The following GALNT16 variants were observed in gnomAD, a reference collection of about 807,000 sequenced individuals.
GALNT16 encodes the protein UDP-GalNAc:polypeptide N-acetylgalactosaminyltransferase-like protein 1.
GALNT16 carries 40 observed loss-of-function variants against 76.1 expected under a neutral mutation model. The ratio of observed to expected loss-of-function variants is 0.53; its 90% confidence interval spans 0.41 to 0.68. The LOEUF is 0.68. Among genes scored for constraint, GALNT16 ranks in the 30% least tolerant of loss-of-function variants. The probability of loss-of-function intolerance (pLI) is 0.00; values close to 1 mark genes in which losing one functional copy is unlikely to be tolerated. For synonymous variants in GALNT16, 276 were observed against 285.2 expected, an observed-to-expected ratio of 0.97 and a Z score of 0.32; for missense variants, 621 against 731.9, an observed-to-expected ratio of 0.85 and a Z score of 1.75.
At chr14:69,267,351 A>G (rs1432317955) in intron 1 of GALNT16, among the ~76,000 whole-genome samples, 1 of 152,222 alleles carries the variant, frequency 6.6e-6, no homozygotes, top group Non-Finnish European at 1.5e-5. Flanking sequence ...CTTGTCGATC[A>G]TATTATATAG....
intron 2 of GALNT16, among the ~76,000 whole-genome samples, chr14:69,322,981 T>TGTGTGTGTGCGC (rs1196943800): frequency 1.4e-4 from 4 of 28,324 alleles, no homozygotes; most frequent in South Asian, 1.5e-3. Flanking sequence ...TGTGTGTGTG[T>TGTGTGTGTGCGC]GCGCGCGCAC....
At chr14:69,328,632 A>G in intron 6 of GALNT16, 61 bp downstream of exon 6, 1 of 1,559,822 alleles carries the variant, frequency 6.4e-7, no homozygotes, top group Non-Finnish European at 8.7e-7. Flanking sequence ...CGTTCCTGGC[A>G]CCGAGGCCTA....
chr14:69,275,921 A>G (rs1412936532), intron 1 of GALNT16, among the ~76,000 whole-genome samples: 1 of 152,182 alleles, frequency 6.6e-6, no homozygotes, highest in Non-Finnish European at 1.5e-5. Context: ...CAAAAGAAAG[A>G]GGTTTATTTG....
intron 9 of GALNT16, among the ~76,000 whole-genome samples, chr14:69,338,268 G>A (rs1455501021): frequency 6.6e-6 from 1 of 152,376 alleles, no homozygotes; most frequent in East Asian, 1.9e-4. Context: ...GGTGCACAGA[G>A]CTGGCTGACG....
chr14:69,326,058 G>A, intron 5 of GALNT16, 31 bp downstream of exon 5: 1 of 1,546,918 alleles, frequency 6.5e-7, no homozygotes, highest in African/African-American at 1.4e-5. Flanking sequence ...TCCCACCAAG[G>A]GCCCATCTTG....
chr14:69,275,504 C>T (rs1245353467), intron 1 of GALNT16, among the ~76,000 whole-genome samples: 1 of 152,202 alleles, frequency 6.6e-6, no homozygotes, highest in Non-Finnish European at 1.5e-5. Flanking sequence ...TTCCATATAT[C>T]ATCCTTGGGT....
Position 69,327,822 on chromosome 14 carries a change from T to C in GALNT16, c.569-628T>C, listed in dbSNP as rs151100914. On this transcript the variant is annotated intron_variant, in intron 5 of 14. Coordinates refer to ENST00000448469, the MANE Select transcript of GALNT16 (RefSeq NM_001168368.2). ...AGCAGAGTGCTGCCCAAAATGAGGC[T>C]GGTGAGGCTATCGGGGGACAGGCAC... 1.4e-3 allele frequency among the ~76,000 whole-genome samples: 217 copies of C among 152,270 alleles called. 2 individuals carry two copies. The highest frequency in any genetic ancestry group is 4.7e-3 in the African/African-American group (197 of 41,548).
chr14:69,327,287 G>A (rs1188134281), intron 5 of GALNT16, among the ~76,000 whole-genome samples: 1 of 152,154 alleles, frequency 6.6e-6, no homozygotes, highest in Non-Finnish European at 1.5e-5. Flanking sequence ...GAACCCAGGA[G>A]GCAGAGGTTG....
intron 12 of GALNT16, among the ~76,000 whole-genome samples, chr14:69,346,235 A>G (rs886790819): frequency 6.6e-6 from 1 of 152,134 alleles, no homozygotes. Context: ...TATCGTATGG[A>G]TGAATCCGAA....
the GALNT16 span, among the ~76,000 whole-genome samples, chr14:69,362,106 C>T: frequency 1.3e-5 from 2 of 152,312 alleles, no homozygotes; most frequent in Admixed American, 1.3e-4. Context: ...GCTCTGGAGG[C>T]GATTGCGAAT....
chr14:69,312,585 G>A (rs1211425915), intron 1 of GALNT16, among the ~76,000 whole-genome samples: 1 of 152,226 alleles, frequency 6.6e-6, no homozygotes, highest in Non-Finnish European at 1.5e-5. Context: ...TCAGGACCTT[G>A]AGGGTGTCGC....
intron 2 of GALNT16, among the ~76,000 whole-genome samples, chr14:69,323,547 T>C (rs2045234077): frequency 6.6e-6 from 1 of 152,096 alleles, no homozygotes; most frequent in Non-Finnish European, 1.5e-5. Context: ...TTAGGAGGTA[T>C]TTGCTGCTCC....
At chr14:69,364,811 A>C in the GALNT16 span, among the ~76,000 whole-genome samples, 3 of 152,180 alleles carry the variant, frequency 2.0e-5, no homozygotes, top group African/African-American at 7.2e-5. The surrounding 1 kb of genome is among the most constrained non-coding windows in gnomAD (Gnocchi z 4.2). Context: ...GGGTGGAAGG[A>C]GCCAAAGGAA....
At chr14:69,340,236 G>A (rs182942700) in intron 11 of GALNT16, among the ~76,000 whole-genome samples, 2 of 152,218 alleles carry the variant, frequency 1.3e-5, no homozygotes, top group East Asian at 3.9e-4. Context: ...ATGTACAGTT[G>A]CCCCTCTGCA....
intron 1 of GALNT16, among the ~76,000 whole-genome samples, chr14:69,273,916 A>G (rs2044438226): frequency 6.6e-6 from 1 of 152,170 alleles, no homozygotes; most frequent in African/African-American, 2.4e-5. Context: ...TTGCTTAAAA[A>G]CAGGAGCTGT....
At chr14:69,357,469 G>C (rs1051391992), downstream of GALNT16, 5 of 152,270 alleles carry the variant, frequency 3.3e-5, no homozygotes, top group Admixed American at 6.5e-5. Context: ...CTAGAAGGAA[G>C]CTGTGGGAGC....
intron 1 of GALNT16, among the ~76,000 whole-genome samples, chr14:69,314,918 G>C (rs887032861): frequency 2.6e-5 from 4 of 152,142 alleles, no homozygotes; most frequent in African/African-American, 9.7e-5. Context: ...AACCCAGCAG[G>C]TACCTGTTTT....
At position 69,347,903 on chromosome 14, in the gene GALNT16, C is replaced by A. The variant is rs758259079; in HGVS notation, c.1440C>A (p.Ile480=). The A allele has an allele frequency of 5.6e-6, 9 of 1,613,846 alleles. No homozygotes were observed. Among genetic ancestry groups the A allele is most frequent in the Non-Finnish European group, 7.6e-6 (9 of 1,180,030 alleles). The part of the protein sequence containing the change: ...AQAWLFSDHL[I]QQQGKCLAAT... The stretch of plus-strand genomic sequence containing the variant: ...CATGGCTGTTCAGTGACCACCTCAT[C>A]CAGCAGCAGGGGAAGTGCCTGGCTG... Residue 480 remains isoleucine, a synonymous_variant, in exon 14 of 15, where the codon ATC becomes ATA. Transcript: ENST00000448469.
chr14:69,371,488 C>T, the GALNT16 span, among the ~76,000 whole-genome samples: 2 of 151,446 alleles, frequency 1.3e-5, no homozygotes, highest in Non-Finnish European at 2.9e-5. Flanking sequence ...GGTCTCCTGA[C>T]CTCGTGATCC....
Sources: allele counts gnomAD v4.1 joint callset (sites outside exome capture counted in the v4.1 genomes callset), GRCh38; gene constraint gnomAD v4.1.1; non-coding constraint Gnocchi (gnomAD v3.1); transcripts MANE v1.5; gene names NCBI Gene and HGNC (gene_info 2026-07-23, HGNC 2026-07-21).